The following ASCC3 variants were observed in gnomAD, a reference collection of about 807,000 sequenced individuals.
The protein encoded by ASCC3 is activating signal cointegrator 1 complex subunit 3, also known as ASC-1 complex subunit P200.
In ASCC3, 158 loss-of-function variants were observed where a neutral mutation model predicts 256.3. The observed-to-expected ratio is 0.62, with a 90% CI of 0.54 to 0.70. The LOEUF (loss-of-function observed/expected upper bound fraction) is 0.70, where lower values mean the gene tolerates loss of function less well. Among genes scored for constraint, ASCC3 ranks in the 30% least tolerant of loss-of-function variants. ASCC3 has a pLI of 0.00. For synonymous variants in ASCC3, 948 were observed against 883.4 expected, an observed-to-expected ratio of 1.07 and a Z score of -1.30; for missense variants, 2,259 against 2,626.0, an observed-to-expected ratio of 0.86 and a Z score of 3.05.
intron 10 of ASCC3, among the ~76,000 whole-genome samples, chr6:100,740,924 A>C (rs1182038381): frequency 1.3e-5 from 2 of 152,264 alleles, no homozygotes; most frequent in Admixed American, 1.3e-4. Context: ...TTACACATTA[A>C]TTTGATCCTG....
At chr6:100,724,441 G>C (rs1033631400) in intron 11 of ASCC3, among the ~76,000 whole-genome samples, 5 of 151,878 alleles carry the variant, frequency 3.3e-5, no homozygotes, top group African/African-American at 4.8e-5. Flanking sequence ...GTGAGGGATA[G>C]GTTTAAGGAA....
intron 8 of ASCC3, among the ~76,000 whole-genome samples, chr6:100,796,589 A>G (rs1366039340): frequency 6.6e-6 from 1 of 152,130 alleles, no homozygotes; most frequent in African/African-American, 2.4e-5. Context: ...GAAACACCAG[A>G]GGTCTCTCTT....
rs987884501 is a variant in ASCC3 at position 100,871,082 on chromosome 6, T to C, written c.-41-3044A>G. On this transcript the variant is annotated intron_variant, in intron 1 of 41. Coordinates refer to ENST00000369162, the MANE Select transcript of ASCC3 (RefSeq NM_006828.4). ...TAGTTGAGAACCACTGTCTTAGAGA[T>C]GATGTCTTTTATTCTTTTTTTTTTT... Among the ~76,000 whole-genome samples the C allele has an allele frequency of 2.6e-4, 39 of 151,708 alleles. 2 individuals are homozygous for C. The highest frequency in any genetic ancestry group is 1.5e-3 in the Admixed American group (23 of 15,252).
At chr6:100,619,644 A>C (rs1773843889) in intron 30 of ASCC3, among the ~76,000 whole-genome samples, 1 of 152,166 alleles carries the variant, frequency 6.6e-6, no homozygotes, top group Admixed American at 6.5e-5. Context: ...ATAAATATCT[A>C]TTTGGCCCCC....
At chr6:100,552,757 T>G (rs978558673) in intron 36 of ASCC3, among the ~76,000 whole-genome samples, 2 of 151,990 alleles carry the variant, frequency 1.3e-5, no homozygotes, top group African/African-American at 4.8e-5. Context: ...AAAAGTATTA[T>G]GGAGTATATT....
chr6:100,670,775 A>C (rs1196580086), intron 14 of ASCC3, among the ~76,000 whole-genome samples: 1 of 151,990 alleles, frequency 6.6e-6, no homozygotes, highest in African/African-American at 2.4e-5. Context: ...GCCACTCATC[A>C]AAATTTTAAA....
intron 10 of ASCC3, among the ~76,000 whole-genome samples, chr6:100,727,318 AACGTC>A (rs1779677359): frequency 6.6e-6 from 1 of 152,068 alleles, no homozygotes; most frequent in African/African-American, 2.4e-5. Context: ...CTGAATGAAG[AACGTC>A]ACGCCCAAAT....
intron 34 of ASCC3, among the ~76,000 whole-genome samples, chr6:100,593,539 C>T (rs76829918): frequency 1.2e-3 from 189 of 152,100 alleles, no homozygotes; most frequent in African/African-American, 4.4e-3. Context: ...TAATGTAAAA[C>T]ATAGATAAAG....
intron 4 of ASCC3, among the ~76,000 whole-genome samples, chr6:100,826,111 G>C (rs1467930400): frequency 6.6e-6 from 1 of 151,586 alleles, no homozygotes; most frequent in Non-Finnish European, 1.5e-5. Flanking sequence ...ACTTCTTTTA[G>C]GCTAAGTCTC....
chr6:100,570,521 G>A (rs551339402), intron 36 of ASCC3, among the ~76,000 whole-genome samples: 28 of 152,092 alleles, frequency 1.8e-4, no homozygotes, highest in African/African-American at 4.8e-4. Context: ...CACTCTCCTG[G>A]ATGTTTTCCT....
At chr6:100,679,811 G>A in intron 13 of ASCC3, 59 bp from the exon 14 acceptor site, 3 of 1,552,762 alleles carry the variant, frequency 1.9e-6, no homozygotes, top group Non-Finnish European at 2.7e-6. Flanking sequence ...CAGCTTAATA[G>A]TAGCCTGGAT....
chr6:100,667,544 C>G (rs1039378668), intron 14 of ASCC3, among the ~76,000 whole-genome samples: 4 of 152,024 alleles, frequency 2.6e-5, no homozygotes, highest in African/African-American at 9.7e-5. Flanking sequence ...CTACAGCAAT[C>G]TGCAGAAGAT....
intron 34 of ASCC3, among the ~76,000 whole-genome samples, chr6:100,591,445 T>C (rs1771994573): frequency 6.6e-6 from 1 of 152,064 alleles, no homozygotes; most frequent in Non-Finnish European, 1.5e-5. Context: ...ACAATATAAG[T>C]GCTTACTTTG....
At position 100,616,330 on chromosome 6, in the gene ASCC3, A is replaced by T. The variant is rs557633855; in HGVS notation, c.4785+8862T>A. Among the ~76,000 whole-genome samples the T allele has an allele frequency of 5.3e-5, 8 of 152,358 alleles. No individual in the cohort carries two copies. The East Asian group carries it at 1.5e-3, about 29-fold the overall frequency. On this transcript the variant is annotated intron_variant, in intron 30 of 41. Coordinates refer to ENST00000369162, the MANE Select transcript of ASCC3 (RefSeq NM_006828.4). ...CTCTAGCATCTAAAAACACTTTAGT[A>T]TTAAGCATGTGAAAACACTATCAAT...
intron 36 of ASCC3, among the ~76,000 whole-genome samples, chr6:100,564,163 A>G (rs1770109188): frequency 6.7e-6 from 1 of 149,642 alleles, no homozygotes; most frequent in Non-Finnish European, 1.5e-5. Context: ...TTTTTTTTTT[A>G]ATACGTGCAT....
Position 100,580,516 on chromosome 6 carries a change from T to C in ASCC3, c.5550+9118A>G, listed in dbSNP as rs920077181. 7.9e-5 allele frequency among the ~76,000 whole-genome samples: 12 copies of C among 152,034 alleles called. 1 individual carries two copies. The highest frequency in any genetic ancestry group is 2.4e-4 in the African/African-American group (10 of 41,424). On this transcript the variant is annotated intron_variant, in intron 36 of 41. Coordinates refer to ENST00000369162, the MANE Select transcript of ASCC3 (RefSeq NM_006828.4). ...CAATTTATGATTACCTTCTAGCTTA[T>C]TGTTTTTGTGCCTACAATCATCACA...
chr6:100,826,045 CA>C (rs1771290569), intron 4 of ASCC3, among the ~76,000 whole-genome samples: 1 of 152,062 alleles, frequency 6.6e-6, no homozygotes, highest in Non-Finnish European at 1.5e-5. Flanking sequence ...ATGCTGACTA[CA>C]AACTCAATAT....
chr6:100,547,206 T>C (rs562631449), intron 36 of ASCC3, among the ~76,000 whole-genome samples: 1 of 152,154 alleles, frequency 6.6e-6, no homozygotes, highest in South Asian at 2.1e-4. Context: ...CCTTATTTTA[T>C]ACCATAAGAA....
intron 34 of ASCC3, among the ~76,000 whole-genome samples, chr6:100,599,060 C>T (rs1772458029): frequency 6.6e-6 from 1 of 152,040 alleles, no homozygotes; most frequent in Admixed American, 6.6e-5. Flanking sequence ...CAGTTTTGGA[C>T]ATGTTAAAGT....
Sources: gnomAD v4.1 joint callset for allele counts (sites outside exome capture counted in the v4.1 genomes callset) on GRCh38, gnomAD v4.1.1 for gene constraint, MANE v1.5 for transcripts, NCBI Gene and HGNC (gene_info 2026-07-23, HGNC 2026-07-21) for gene names.